ARHGAP33: variants seen among roughly 807,000 people sequenced by gnomAD.
ARHGAP33 encodes rho GTPase-activating protein 33.
In ARHGAP33, 57 loss-of-function variants were observed where a neutral mutation model predicts 126.2. That is an observed-to-expected ratio of 0.45 (90% CI 0.36 to 0.56). The LOEUF (loss-of-function observed/expected upper bound fraction) is 0.56. Ranked by LOEUF, ARHGAP33 falls within the 20% of genes least tolerant of loss-of-function variation. The pLI is 0.00. For synonymous variants in ARHGAP33, 711 were observed against 755.0 expected (o/e 0.94, Z 0.95); for missense variants, 1,500 against 1,748.3 (o/e 0.86, Z 2.53).
intron 1 of ARHGAP33, among the ~76,000 whole-genome samples, chr19:35,775,967 C>T (rs981683910): frequency 6.6e-6 from 1 of 151,900 alleles, no homozygotes; most frequent in Non-Finnish European, 1.5e-5. Flanking sequence ...GCAGGGGCCT[C>T]CTGAGGCTCC....
At chr19:35,778,234 C>G in intron 3 of ARHGAP33, 46 bp from the exon 4 acceptor site, 10 of 1,603,968 alleles carry the variant, frequency 6.2e-6, no homozygotes, top group Middle Eastern at 1.7e-4. Flanking sequence ...CCCAGGAGGT[C>G]AGGACTGGGA....
chr19:35,785,176 C>A lies in ARHGAP33; in HGVS notation c.1722-13C>A. 1 of 1,575,924 alleles carries A rather than the reference C, an allele frequency of 6.3e-7. No individual in the cohort carries two copies. The highest frequency in any genetic ancestry group is 8.6e-7 in the Non-Finnish European group (1 of 1,156,904). ...TTCCTCAGACGGCCTCCTGTTTCTC[C>A]CCCAAACCGCAGGAGGAAAGGGGAG... is the stretch of plus-strand genomic sequence containing the variant. On this transcript the variant is annotated splice_polypyrimidine_tract_variant and intron_variant, in intron 17 of 20. Coordinates refer to ENST00000007510, the MANE Select transcript of ARHGAP33 (RefSeq NM_001366178.1).
Position 35,778,334 on chromosome 19 carries a change from G to C in ARHGAP33, c.244G>C (p.Val82Leu), listed in dbSNP as rs771620059. 8 of 1,614,206 alleles carry C rather than the reference G, an allele frequency of 5.0e-6. No homozygotes were observed. Among genetic ancestry groups the C allele is most frequent in the Non-Finnish European group, 6.8e-6 (8 of 1,180,028 alleles). Residue 82 changes from valine (V) to leucine (L), a missense_variant, in exon 4 of 21, where the codon GTG becomes CTG. Coordinates refer to ENST00000007510, the MANE Select transcript of ARHGAP33 (RefSeq NM_001366178.1). ...CAGCCTCTCTGGAGAGAATGAGCTG[G>C]TGTTCGGGGTGCAGGTGACCTGTCA... Reference protein sequence around the residue: ...GPSLSGENELVFGVQVTCQGR... With the variant: ...GPSLSGENELLFGVQVTCQGR...
At chr19:35,784,109 C>T in intron 15 of ARHGAP33, 63 bp from the exon 16 acceptor site, 2 of 1,465,650 alleles carry the variant, frequency 1.4e-6, no homozygotes, top group Non-Finnish European at 1.9e-6. Context: ...CCCCTCATTG[C>T]CCTGCCAGAA....
rs1971527451 is a variant in ARHGAP33, at chr19:35,777,628, T to C, written c.7-17T>C. 1.9e-6 allele frequency: 3 copies of C among 1,556,852 alleles called. No homozygotes were observed. In the South Asian group the frequency reaches 3.5e-5, roughly 18 times the overall value. On this transcript the variant is annotated splice_polypyrimidine_tract_variant and intron_variant, in intron 1 of 20. Transcript: ENST00000007510. ...TGCTCCCATCTCTGGGGGCCTCTGATTCTTTCTGCTCTACAGGCACGCAGC... is the reference window on the plus strand; with the variant it reads ...TGCTCCCATCTCTGGGGGCCTCTGACTCTTTCTGCTCTACAGGCACGCAGC...
Position 35,784,331 on chromosome 19 carries a change from C to T in ARHGAP33, c.1567+14C>T. 2 of 1,545,412 alleles carry T rather than the reference C, an allele frequency of 1.3e-6. No homozygotes were observed. The highest frequency in any genetic ancestry group is 1.8e-6 in the Non-Finnish European group (2 of 1,142,670). ...TCGACCCTGCAGGTATGCCCTCCCA[C>T]CCCCTGAGGTCCTGGCTACTGCCCA... On this transcript the variant is annotated intron_variant, in intron 16 of 20. Coordinates refer to ENST00000007510, the MANE Select transcript of ARHGAP33 (RefSeq NM_001366178.1).
chr19:35,784,082 C>T lies in ARHGAP33; in HGVS notation c.1422-90C>T. The T allele has an allele frequency of 4.4e-6, 5 of 1,148,628 alleles. No homozygotes were observed. In the Admixed American group the frequency reaches 6.1e-5, roughly 14 times the overall value. The allele number at this position is 1,148,628 out of a possible 1,614,324, so 71.2% of individuals were successfully genotyped here. The stretch of plus-strand genomic sequence containing the variant: ...AGGTCAGAGGTGTTGAATAGACAGT[C>T]ACTGCCTCCCCTGGCTCCCCTCATT... On this transcript the variant is annotated intron_variant, in intron 15 of 20. Coordinates refer to ENST00000007510, the MANE Select transcript of ARHGAP33 (RefSeq NM_001366178.1).
At chr19:35,785,895 G>C (rs1340980732) in intron 19 of ARHGAP33, 2 of 1,103,890 alleles carry the variant, frequency 1.8e-6, no homozygotes, top group African/African-American at 1.7e-5. Flanking sequence ...GTGTGTGTAA[G>C]GATCATACTG....
In ARHGAP33 at chr19:35,787,463, C is replaced by T. The variant is rs761113169; in HGVS notation, c.2898C>T (p.Pro966=). Residue 966 remains proline, a synonymous_variant, in exon 21 of 21, where the codon CCC becomes CCT. Coordinates refer to ENST00000007510, the MANE Select transcript of ARHGAP33 (RefSeq NM_001366178.1). Reference sequence around the variant, plus strand: ...ACCCGGGTGCCTGGGTCCCGGGACCCCCACCCTACTTACCAAGGCAACAAA... The same window carrying T: ...ACCCGGGTGCCTGGGTCCCGGGACCTCCACCCTACTTACCAAGGCAACAAA... ...LAHPGAWVPG[P]PPYLPRQQSD... The T allele has an allele frequency of 1.9e-6, 3 of 1,612,402 alleles. No homozygotes were observed. In the South Asian group the frequency reaches 3.3e-5, roughly 18 times the overall value.
chr19:35,787,224 G>T lies in ARHGAP33; in HGVS notation c.2659G>T (p.Gly887Cys), dbSNP rs760095134. 1 of 1,610,802 alleles carries T rather than the reference G, an allele frequency of 6.2e-7. No homozygotes were observed. The highest frequency in any genetic ancestry group is 1.7e-5 in the Admixed American group (1 of 59,522). The change falls in exon 21 of 21, where the codon GGT (glycine) becomes TGT (cysteine). Residue 887 changes from glycine (G) to cysteine (C), a missense_variant. Gly to Cys is a radical substitution (Grantham distance 159). Transcript: ENST00000007510. ...TCCCCTGTCTCTCCTGCGCCCTGGGGGTGCCCCACCCCCGCCCCCTAAGAA... is the reference window on the plus strand; with the variant it reads ...TCCCCTGTCTCTCCTGCGCCCTGGGTGTGCCCCACCCCCGCCCCCTAAGAA... The part of the protein sequence containing the change: ...PPPLSLLRPG[G>C]APPPPPKNPA...
rs546714034 is a variant in ARHGAP33, at chr19:35,780,118, G to A, written c.502-93G>A. The A allele has an allele frequency of 1.1e-3, 1,622 of 1,528,034 alleles. 8 individuals are homozygous for A. The highest frequency in any genetic ancestry group is 7.9e-3 in the Middle Eastern group (45 of 5,702). 94.7% of individuals were successfully genotyped at this position (1,528,034 alleles called of 1,614,324 possible). On this transcript the variant is annotated intron_variant, in intron 6 of 20. Transcript: ENST00000007510. ...AGTGACAGGGGCTCTTGACGGGGGCGGGCAGTGGCCTCACCCAGCGCGGAG... is the reference window on the plus strand; with the variant it reads ...AGTGACAGGGGCTCTTGACGGGGGCAGGCAGTGGCCTCACCCAGCGCGGAG...
intron 16 of ARHGAP33, 39 bp from the exon 17 acceptor site, chr19:35,784,914 C>T (rs1432555775): frequency 2.6e-6 from 4 of 1,513,466 alleles, no homozygotes; most frequent in Non-Finnish European, 3.5e-6. Context: ...CCTTGGGCGG[C>T]CCCAGAGCTG....
chr19:35,785,972 G>A (rs1200513392), intron 19 of ARHGAP33: 12 of 1,088,520 alleles, frequency 1.1e-5, no homozygotes, highest in Non-Finnish European at 1.3e-5. Context: ...CGCACTGTAT[G>A]GGGAGCTTGG....
chr19:35,787,147 C>G, intron 20 of ARHGAP33, 21 bp from the exon 21 acceptor site: 1 of 1,607,578 alleles, frequency 6.2e-7, no homozygotes, highest in Middle Eastern at 1.7e-4. Context: ...CAGCTGAACC[C>G]CTCTCCATTC....
intron 6 of ARHGAP33, 137 bp from the exon 7 acceptor site, chr19:35,780,074 T>A: frequency 8.2e-7 from 1 of 1,222,670 alleles, no homozygotes; most frequent in African/African-American, 1.5e-5. Flanking sequence ...GGAATCTAGG[T>A]GTTTGACCAA....
intron 6 of ARHGAP33, chr19:35,779,754 T>A (rs1971650486): frequency 5.6e-6 from 2 of 356,680 alleles, no homozygotes; most frequent in Admixed American, 3.6e-5. Context: ...AAAAATGTTT[T>A]GTAGAGACAG....
rs915914207 is a variant in ARHGAP33, at chr19:35,778,266, C to T, written c.190-14C>T. ...GGGACAAAAGTCCACCTGGGCCTTG[C>T]TTTCCCTCTGCAGCTCCTGCTGTCT... On this transcript the variant is annotated splice_polypyrimidine_tract_variant and intron_variant, in intron 3 of 20. Transcript: ENST00000007510. 6.2e-7 allele frequency: 1 copy of T among 1,614,076 alleles called. No homozygotes were observed. The highest frequency in any genetic ancestry group is 8.5e-7 in the Non-Finnish European group (1 of 1,179,960).
At position 35,778,566 on chromosome 19, in the gene ARHGAP33, C is replaced by T; in HGVS notation, c.373C>T (p.Leu125Phe). 6.2e-7 allele frequency: 1 copy of T among 1,614,140 alleles called. No individual in the cohort carries two copies. The highest frequency in any genetic ancestry group is 8.5e-7 in the Non-Finnish European group (1 of 1,180,030). Reference sequence around the variant, plus strand: ...CCGGAGGTTCTCCTGCCTTCCGGAGCTTCCCCCGCCCCCCGAGGGTGCCAG... The same window carrying T: ...CCGGAGGTTCTCCTGCCTTCCGGAGTTTCCCCCGCCCCCCGAGGGTGCCAG... ...FDRRFSCLPE[L>F]PPPPEGARAA... Residue 125 changes from leucine (L) to phenylalanine (F), a missense_variant, in exon 5 of 21, where the codon CTT (leucine) becomes TTT (phenylalanine). Transcript: ENST00000007510.
intron 6 of ARHGAP33, 100 bp from the exon 7 acceptor site, chr19:35,780,111 C>T (rs1039322895): frequency 1.3e-5 from 20 of 1,497,504 alleles, no homozygotes; most frequent in Middle Eastern, 1.8e-4. Context: ...GGGCTCTTGA[C>T]GGGGGCGGGC....
Sources: allele counts gnomAD v4.1 joint callset (sites outside exome capture counted in the v4.1 genomes callset), GRCh38; gene constraint gnomAD v4.1.1; transcripts MANE v1.5; gene names NCBI Gene and HGNC (gene_info 2026-07-23, HGNC 2026-07-21).